The following GLCE variants were observed in gnomAD, a reference collection of about 807,000 sequenced individuals.
GLCE encodes the protein glucuronic acid epimerase.
A neutral mutation model predicts 47.9 loss-of-function variants in GLCE; 19 were observed. The observed-to-expected ratio is 0.40, with a 90% confidence interval of 0.28 to 0.58. The LOEUF (loss-of-function observed/expected upper bound fraction) is 0.58. Among genes scored for constraint, GLCE ranks in the 20% least tolerant of loss-of-function variants. The pLI, the probability that GLCE is intolerant of heterozygous loss-of-function variation, is 0.48. For synonymous variants in GLCE, 245 were observed against 263.4 expected (o/e 0.93, Z 0.68); for missense variants, 556 against 743.3 (o/e 0.75, Z 2.93).
chr15:69,164,964 C>T (rs1403267395), intron 1 of GLCE, among the ~76,000 whole-genome samples: 1 of 152,044 alleles, frequency 6.6e-6, no homozygotes, highest in African/African-American at 2.4e-5. Flanking sequence ...TACATTACTG[C>T]CAAGGTGATT....
At chr15:69,212,149 G>A (rs571053646) in intron 2 of GLCE, among the ~76,000 whole-genome samples, 2 of 151,546 alleles carry the variant, frequency 1.3e-5, no homozygotes, top group South Asian at 4.1e-4. Flanking sequence ...AGCATTGTGT[G>A]TGTTTAGCTG....
intron 1 of GLCE, among the ~76,000 whole-genome samples, chr15:69,209,261 G>C (rs1566956473): frequency 6.6e-6 from 1 of 151,548 alleles, no homozygotes; most frequent in South Asian, 2.1e-4. Context: ...TTGTTTTCTT[G>C]ATGTTAGTAT....
At chr15:69,234,001 G>C (rs2140408579) in intron 2 of GLCE, among the ~76,000 whole-genome samples, 1 of 150,336 alleles carries the variant, frequency 6.7e-6, no homozygotes, top group South Asian at 2.1e-4. Flanking sequence ...TTTTGAGACA[G>C]AGTTTCGCTC....
intron 2 of GLCE, among the ~76,000 whole-genome samples, chr15:69,235,090 A>AATCTTTTTTTTTTTTTTTT (rs1163529945): frequency 1.2e-5 from 1 of 82,488 alleles, no homozygotes; most frequent in Non-Finnish European, 2.3e-5. Context: ...GATGAAGATT[A>AATCTTTTTTTTTTTTTTTT]TTCTTTTTTT....
At chr15:69,204,148 A>T (rs2052115158) in intron 1 of GLCE, among the ~76,000 whole-genome samples, 1 of 152,102 alleles carries the variant, frequency 6.6e-6, no homozygotes, top group Non-Finnish European at 1.5e-5. Context: ...ACGATAAAGA[A>T]ATTCTTGCAG....
chr15:69,161,694 G>T (rs2051424293), intron 1 of GLCE, among the ~76,000 whole-genome samples: 1 of 152,204 alleles, frequency 6.6e-6, no homozygotes, highest in Non-Finnish European at 1.5e-5. Flanking sequence ...GATCGGTGTT[G>T]TTGCCTAGTT....
chr15:69,262,176 G>A lies in GLCE; in HGVS notation c.829+847G>A, dbSNP rs538801948. Among the ~76,000 whole-genome samples, 10 of 152,206 alleles carry A rather than the reference G, an allele frequency of 6.6e-5. No individual in the cohort carries two copies. In the East Asian group the frequency reaches 1.7e-3, roughly 26 times the overall value. On this transcript the variant is annotated intron_variant, in intron 4 of 4. Transcript: ENST00000261858. ...ACTGTGTAATTTACAGACCCTGAAA[G>A]CCACAATACAAACCTACTCATTCTA... is the stretch of plus-strand genomic sequence containing the variant.
chr15:69,206,101 C>T (rs2140369275), intron 1 of GLCE, among the ~76,000 whole-genome samples: 1 of 152,194 alleles, frequency 6.6e-6, no homozygotes, highest in South Asian at 2.1e-4. Flanking sequence ...CCCTAAATCT[C>T]CTATAGTCTA....
chr15:69,217,092 G>C (rs927806142), intron 2 of GLCE, among the ~76,000 whole-genome samples: 3 of 151,980 alleles, frequency 2.0e-5, no homozygotes, highest in Admixed American at 2.0e-4. Flanking sequence ...TTGTTATTAT[G>C]ATGATGATGA....
chr15:69,243,570 CA>C (rs10656486), intron 2 of GLCE, among the ~76,000 whole-genome samples: 61 of 139,804 alleles, frequency 4.4e-4, no homozygotes, highest in East Asian at 8.3e-4. Context: ...GCCCCCATCT[CA>C]AAAAAAAAAA....
At chr15:69,168,693 C>T (rs8035492) in intron 1 of GLCE, among the ~76,000 whole-genome samples, 5,173 of 152,074 alleles carry the variant, frequency 0.034, 267 homozygotes, top group East Asian at 0.22. Flanking sequence ...CCACCACTCC[C>T]GGCTAATTTT....
chr15:69,215,001 C>T (rs1292246895), intron 2 of GLCE, among the ~76,000 whole-genome samples: 1 of 152,120 alleles, frequency 6.6e-6, no homozygotes, highest in Non-Finnish European at 1.5e-5. Context: ...TCTACTGTGC[C>T]ATTTCATTTG....
intron 2 of GLCE, among the ~76,000 whole-genome samples, chr15:69,247,727 C>A (rs1012917599): frequency 6.6e-6 from 1 of 152,218 alleles, no homozygotes; most frequent in East Asian, 1.9e-4. Flanking sequence ...TATTAATTGG[C>A]CTAATGTCCA....
At chr15:69,161,600 G>A (rs1595727706) in intron 1 of GLCE, among the ~76,000 whole-genome samples, 1 of 152,226 alleles carries the variant, frequency 6.6e-6, no homozygotes, top group African/African-American at 2.4e-5. Flanking sequence ...GTGCTACCGC[G>A]CAGGCTGGGC....
chr15:69,261,100 T>C lies in GLCE; in HGVS notation c.600T>C (p.Ser200=). The change falls in exon 4 of 5, where the codon TCT becomes TCC. Residue 200 remains serine (S), a synonymous_variant. Coordinates refer to ENST00000261858, the MANE Select transcript of GLCE (RefSeq NM_015554.3). The part of the protein sequence containing the change: ...CISGVEGVPL[S]TQWGPQGYFY... ...TCTATTTTATAGGTGTGCCATTATCTACACAATGGGGACCTCAAGGCTATT... is the reference window on the plus strand; with the variant it reads ...TCTATTTTATAGGTGTGCCATTATCCACACAATGGGGACCTCAAGGCTATT... 6.2e-7 allele frequency: 1 copy of C among 1,612,444 alleles called. No homozygotes were observed. The highest frequency in any genetic ancestry group is 8.5e-7 in the Non-Finnish European group (1 of 1,178,602).
chr15:69,177,193 T>C (rs888776466), intron 1 of GLCE, among the ~76,000 whole-genome samples: 3 of 152,084 alleles, frequency 2.0e-5, no homozygotes, highest in African/African-American at 7.2e-5. Context: ...CTAATTTTTG[T>C]ATTTTAGTAG....
intron 3 of GLCE, among the ~76,000 whole-genome samples, chr15:69,257,325 A>C (rs1197555022): frequency 6.6e-6 from 1 of 151,876 alleles, no homozygotes; most frequent in African/African-American, 2.4e-5. Context: ...TACTTAGATA[A>C]ATTTTTTATA....
rs555623182 is a variant in GLCE at position 69,231,799 on chromosome 15, G to GT, written c.-14+21399dup. Reference sequence around the variant, plus strand: ...CTATCTATCTTTTTTGTTTTGTTTTGTTTTTTCTGAGACGGAGTATTTCCC... The same window carrying GT: ...CTATCTATCTTTTTTGTTTTGTTTTGTTTTTTTCTGAGACGGAGTATTTCCC... On this transcript the variant is annotated intron_variant, in intron 2 of 4. Transcript: ENST00000261858. Among the ~76,000 whole-genome samples, 418 of 151,780 alleles carry GT rather than the reference G, an allele frequency of 2.8e-3. 3 individuals are homozygous for GT. Among genetic ancestry groups the GT allele is most frequent in the Non-Finnish European group, 4.8e-3 (325 of 67,896 alleles).
chr15:69,226,067 CACACACAG>C (rs1042704572), intron 2 of GLCE, among the ~76,000 whole-genome samples: 2 of 28,772 alleles, frequency 7.0e-5, no homozygotes, highest in African/African-American at 1.3e-4. Flanking sequence ...CACACACACA[CACACACAG>C]ACACACACAC....
Sources: allele counts gnomAD v4.1 joint callset (sites outside exome capture counted in the v4.1 genomes callset), GRCh38; gene constraint gnomAD v4.1.1; transcripts MANE v1.5; gene names NCBI Gene and HGNC (gene_info 2026-07-23, HGNC 2026-07-21).